Variants in RAD50 observed in about 807,000 individuals in gnomAD.
RAD50 encodes the protein RAD50 double strand break repair protein.
In RAD50, 132 loss-of-function variants were observed where a neutral mutation model predicts 168.8. That is an observed-to-expected ratio of 0.78 (90% confidence interval 0.68 to 0.90). The LOEUF is 0.90. Ranked by LOEUF, RAD50 falls within the 40% of genes least tolerant of loss-of-function variation. The pLI is 0.00. For missense variants in RAD50, 1,347 were observed against 1,534.4 expected (o/e 0.88, Z 2.04); for synonymous variants, 525 against 497.4 (o/e 1.06, Z -0.74).
intron 11 of RAD50, chr5:132,592,846 G>A (rs1459886291): frequency 2.1e-6 from 1 of 470,952 alleles, no homozygotes; most frequent in Non-Finnish European, 4.4e-6. Context: ...CCCACTTATT[G>A]AGGAAGTTCT....
At chr5:132,576,404 C>T (rs1750400912) in intron 3 of RAD50, among the ~76,000 whole-genome samples, 1 of 152,150 alleles carries the variant, frequency 6.6e-6, no homozygotes, top group Non-Finnish European at 1.5e-5. Flanking sequence ...CTGTTAGAGG[C>T]AGGTATCATT....
At chr5:132,631,693 A>G (rs977561386) in intron 21 of RAD50, among the ~76,000 whole-genome samples, 6 of 152,158 alleles carry the variant, frequency 3.9e-5, no homozygotes, top group Non-Finnish European at 5.9e-5. Flanking sequence ...TTGGGCCACT[A>G]TATGTCACTC....
intron 13 of RAD50, among the ~76,000 whole-genome samples, chr5:132,599,698 C>T (rs976974030): frequency 3.3e-5 from 5 of 151,888 alleles, no homozygotes; most frequent in African/African-American, 9.7e-5. Context: ...GCTAGGATTA[C>T]AGGCATAAGC....
chr5:132,610,809 GCT>G (rs1751070592), intron 19 of RAD50, among the ~76,000 whole-genome samples: 1 of 152,106 alleles, frequency 6.6e-6, no homozygotes, highest in South Asian at 2.1e-4. Context: ...ATTCGCAGCA[GCT>G]CTCTGTATAT....
chr5:132,611,650 G>A (rs1228211531), intron 19 of RAD50, among the ~76,000 whole-genome samples: 4 of 148,050 alleles, frequency 2.7e-5, no homozygotes, highest in African/African-American at 1.0e-4. Context: ...AGCTTGCAGT[G>A]AGCCGAGATC....
rs1218150345 is a variant in RAD50, at chr5:132,633,049, G to A, written c.3390-4066G>A. Among the ~76,000 whole-genome samples, 4 of 149,048 alleles carry A rather than the reference G, an allele frequency of 2.7e-5. No individual in the cohort carries two copies. In the South Asian group the frequency reaches 8.4e-4, roughly 31 times the overall value. ...TTAATTATTTTCACATACATTGCAA[G>A]TACCTATTCCCAGTTTATCGTTTGT... On this transcript the variant is annotated intron_variant, in intron 21 of 24. Transcript: ENST00000378823.
chr5:132,641,549 C>G (rs1015113649), intron 24 of RAD50, among the ~76,000 whole-genome samples: 3 of 152,162 alleles, frequency 2.0e-5, no homozygotes, highest in African/African-American at 7.2e-5. Context: ...ATGCATCCAG[C>G]TCCAGGAAGG....
In RAD50 at chr5:132,579,253, T is replaced by G. The variant is rs1750457045; in HGVS notation, c.366-64T>G. 1.1e-5 allele frequency: 16 copies of G among 1,509,792 alleles called. No individual in the cohort carries two copies. In the South Asian group the frequency reaches 1.6e-4, roughly 15 times the overall value. 93.5% of individuals were successfully genotyped at this position (1,509,792 alleles called of 1,614,324 possible). ...TTAAAGAAGTACAGTATGAATTGAT[T>G]AAGCAATAGAATAGATACACTGAAG... is the stretch of plus-strand genomic sequence containing the variant. On this transcript the variant is annotated intron_variant, in intron 3 of 24. Coordinates refer to ENST00000378823, the MANE Select transcript of RAD50 (RefSeq NM_005732.4).
At chr5:132,637,379 G>A (rs1045762885) in intron 22 of RAD50, among the ~76,000 whole-genome samples, 179 bp downstream of exon 22, 2 of 152,076 alleles carry the variant, frequency 1.3e-5, no homozygotes, top group Admixed American at 1.3e-4. Flanking sequence ...AAAGTTTTCT[G>A]TTCCAGAGCC....
intron 19 of RAD50, among the ~76,000 whole-genome samples, chr5:132,614,803 G>A (rs376368938): frequency 1.3e-5 from 2 of 151,394 alleles, no homozygotes; most frequent in African/African-American, 4.9e-5. Flanking sequence ...AAAAATGAAA[G>A]TAGCCTTACT....
Position 132,575,916 on chromosome 5 carries a change from T to C in RAD50, c.353T>C (p.Ile118Thr), listed in dbSNP as rs200472836. ...GAATTTAAAACTCTGGAAGGAGTCA[T>C]TACTAGAACAAAGTAGGTGTTTATA... is the stretch of plus-strand genomic sequence containing the variant. ...KTEFKTLEGVITRTKHGEKVS... is the reference protein window; with the variant it reads ...KTEFKTLEGVTTRTKHGEKVS... Residue 118 changes from isoleucine (I) to threonine (T), a missense_variant, in exon 3 of 25, where the codon ATT becomes ACT. Physicochemically the swap from Ile to Thr is moderately conservative, Grantham distance 89. Coordinates refer to ENST00000378823, the MANE Select transcript of RAD50 (RefSeq NM_005732.4). 5.1e-5 allele frequency: 82 copies of C among 1,609,688 alleles called. 1 individual carries two copies. The East Asian group carries it at 1.7e-3, about 34-fold the overall frequency.
intron 21 of RAD50, among the ~76,000 whole-genome samples, chr5:132,626,071 T>C (rs1297144278): frequency 3.3e-5 from 5 of 152,096 alleles, no homozygotes; most frequent in Admixed American, 1.3e-4. Flanking sequence ...GGTTTTGCCA[T>C]GTAGGCCATA....
chr5:132,570,238 G>A (rs1350339869), intron 2 of RAD50, among the ~76,000 whole-genome samples: 2 of 152,084 alleles, frequency 1.3e-5, no homozygotes, highest in Non-Finnish European at 2.9e-5. Context: ...CCCAAGTAAG[G>A]AATCTATGAG....
chr5:132,574,082 G>A lies in RAD50; in HGVS notation c.214-1695G>A, dbSNP rs182382206. On this transcript the variant is annotated intron_variant, in intron 2 of 24. Transcript: ENST00000378823. Reference sequence around the variant, plus strand: ...TCTACCAGTCTGGAGGACAGTGGCTGTCTTCTCACAGCTCCACTAGGCAGT... The same window carrying A: ...TCTACCAGTCTGGAGGACAGTGGCTATCTTCTCACAGCTCCACTAGGCAGT... Among the ~76,000 whole-genome samples the A allele has an allele frequency of 1.7e-3, 262 of 152,310 alleles. 1 individual carries two copies. Among genetic ancestry groups the A allele is most frequent in the African/African-American group, 4.7e-3 (194 of 41,570 alleles).
chr5:132,578,088 C>T (rs1457463134), intron 3 of RAD50, among the ~76,000 whole-genome samples: 1 of 152,182 alleles, frequency 6.6e-6, no homozygotes, highest in Non-Finnish European at 1.5e-5. Flanking sequence ...GCTGGGATTA[C>T]AGGCGTGAGC....
At chr5:132,577,800 T>C (rs10042210) in intron 3 of RAD50, among the ~76,000 whole-genome samples, 1 of 145,674 alleles carries the variant, frequency 6.9e-6, no homozygotes, top group Non-Finnish European at 1.5e-5. Flanking sequence ...TACCCATTTC[T>C]GATTTTTTTT....
At position 132,597,847 on chromosome 5, in the gene RAD50, G is replaced by C. The variant is rs1334553035; in HGVS notation, c.2207+2037G>C. 4.6e-5 allele frequency among the ~76,000 whole-genome samples: 7 copies of C among 152,280 alleles called. No homozygotes were observed. The East Asian group carries it at 1.3e-3, about 29-fold the overall frequency. ...ATTATTGGGGCCACAGAGATGAGGA[G>C]ACAGAGGCAGTAGTTTGAGAATAAA... On this transcript the variant is annotated intron_variant, in intron 13 of 24. Transcript: ENST00000378823.
At chr5:132,630,233 G>GGGGT (rs1222809866) in intron 21 of RAD50, among the ~76,000 whole-genome samples, 2 of 151,934 alleles carry the variant, frequency 1.3e-5, no homozygotes, top group Non-Finnish European at 2.9e-5. Flanking sequence ...TAGTAGAGAC[G>GGGGT]GGGTTTCACC....
chr5:132,595,212 G>A (rs951210278), intron 12 of RAD50, 168 bp downstream of exon 12: 2 of 709,666 alleles, frequency 2.8e-6, no homozygotes, highest in African/African-American at 3.6e-5. Flanking sequence ...GCAAGTTACT[G>A]AAACCTTCCT....
Sources: allele counts gnomAD v4.1 joint callset (sites outside exome capture counted in the v4.1 genomes callset), GRCh38; gene constraint gnomAD v4.1.1; transcripts MANE v1.5; gene names NCBI Gene and HGNC (gene_info 2026-07-23, HGNC 2026-07-21).